PCSK5: variants seen among roughly 807,000 people sequenced by gnomAD.
PCSK5 encodes the protein prohormone convertase 5.
Under a neutral mutation model 233.2 loss-of-function variants are expected in PCSK5, and 129 were observed. The ratio of observed to expected loss-of-function variants is 0.55; its 90% confidence interval spans 0.48 to 0.64. The LOEUF is 0.64. PCSK5 is among the 30% of genes least tolerant of loss of function. PCSK5 has a pLI of 0.00. For synonymous variants in PCSK5, 825 were observed against 879.2 expected, an observed-to-expected ratio of 0.94 and a Z score of 1.09; for missense variants, 2,076 against 2,430.1, an observed-to-expected ratio of 0.85 and a Z score of 3.06.
intron 20 of PCSK5, among the ~76,000 whole-genome samples, chr9:76,212,111 T>TA (rs1251682564): frequency 6.6e-6 from 1 of 152,226 alleles, no homozygotes; most frequent in African/African-American, 2.4e-5. Context: ...GTGTGAGTTT[T>TA]ATGCCAAGTA....
intron 24 of PCSK5, among the ~76,000 whole-genome samples, chr9:76,279,281 A>G (rs1827792170): frequency 6.7e-6 from 1 of 150,230 alleles, no homozygotes; most frequent in Non-Finnish European, 1.5e-5. Flanking sequence ...CATGGTGTAC[A>G]TGTGCCACAT....
chr9:76,114,157 G>A (rs1232063704), intron 9 of PCSK5, among the ~76,000 whole-genome samples: 2 of 152,084 alleles, frequency 1.3e-5, no homozygotes, highest in African/African-American at 4.8e-5. Context: ...ACAGCCTGAA[G>A]AGGGTGAAGA....
intron 20 of PCSK5, chr9:76,193,870 A>G (rs1489816376): frequency 6.5e-6 from 1 of 154,662 alleles, no homozygotes; most frequent in Non-Finnish European, 1.4e-5. Flanking sequence ...GGCATTAGGA[A>G]CATCCTACAG....
chr9:75,906,213 G>A (rs1478339796), intron 1 of PCSK5, among the ~76,000 whole-genome samples: 2 of 152,010 alleles, frequency 1.3e-5, no homozygotes, highest in African/African-American at 4.8e-5. Context: ...CACTGAGGAG[G>A]AACACTTGAG....
chr9:76,107,594 T>C (rs1832031566), intron 9 of PCSK5, among the ~76,000 whole-genome samples: 1 of 152,246 alleles, frequency 6.6e-6, no homozygotes, highest in Admixed American at 6.5e-5. Context: ...TATGGAGTCA[T>C]AGCACATGCA....
intron 9 of PCSK5, among the ~76,000 whole-genome samples, chr9:76,124,543 A>G (rs1339326396): frequency 6.6e-6 from 1 of 151,908 alleles, no homozygotes; most frequent in Non-Finnish European, 1.5e-5. Flanking sequence ...TCAGGAGATC[A>G]CGATCGTCCC....
chr9:76,310,310 A>G (rs963678241), intron 29 of PCSK5, among the ~76,000 whole-genome samples: 1 of 151,948 alleles, frequency 6.6e-6, no homozygotes, highest in African/African-American at 2.4e-5. Context: ...TTGGGGAAGC[A>G]GAGTATTAAT....
At chr9:75,892,017 G>A (rs1415708601) in intron 1 of PCSK5, among the ~76,000 whole-genome samples, 1 of 152,164 alleles carries the variant, frequency 6.6e-6, no homozygotes, top group Non-Finnish European at 1.5e-5. Context: ...CGAGGTCCGC[G>A]TGGGGGCTCC....
At chr9:75,947,991 A>C (rs949276364) in intron 2 of PCSK5, among the ~76,000 whole-genome samples, 11 of 152,030 alleles carry the variant, frequency 7.2e-5, no homozygotes. Flanking sequence ...ACAGGCACGT[A>C]CTACCATGCC....
chr9:76,308,985 A>G (rs1828786125), intron 29 of PCSK5, among the ~76,000 whole-genome samples: 1 of 152,194 alleles, frequency 6.6e-6, no homozygotes. Flanking sequence ...TGAGAGGCTG[A>G]GGCGGGAGGA....
At chr9:76,307,991 A>G (rs1017465674) in intron 28 of PCSK5, among the ~76,000 whole-genome samples, 1 of 152,096 alleles carries the variant, frequency 6.6e-6, no homozygotes, top group Non-Finnish European at 1.5e-5. Context: ...TGAGGTCAAG[A>G]GTTCAAGACC....
intron 1 of PCSK5, among the ~76,000 whole-genome samples, chr9:75,901,006 C>T (rs1312907833): frequency 6.6e-6 from 1 of 151,836 alleles, no homozygotes; most frequent in East Asian, 1.9e-4. Context: ...GATAAAAAGT[C>T]CATCTGGAAA....
At chr9:76,280,336 T>G (rs963453420) in intron 24 of PCSK5, among the ~76,000 whole-genome samples, 3 of 152,098 alleles carry the variant, frequency 2.0e-5, no homozygotes, top group African/African-American at 7.2e-5. Context: ...ATGAGGCCAG[T>G]TAATACTTTT....
At chr9:76,048,865 G>A (rs1338203070) in intron 5 of PCSK5, among the ~76,000 whole-genome samples, 2 of 152,136 alleles carry the variant, frequency 1.3e-5, no homozygotes, top group African/African-American at 4.8e-5. Flanking sequence ...TATTTATTGA[G>A]TTTATTGATT....
chr9:76,235,013 C>G (rs1295773033), intron 22 of PCSK5, among the ~76,000 whole-genome samples: 2 of 152,306 alleles, frequency 1.3e-5, no homozygotes, highest in East Asian at 3.9e-4. Flanking sequence ...GCACTTCCCC[C>G]TTCATGAGCC....
intron 7 of PCSK5, among the ~76,000 whole-genome samples, chr9:76,083,345 A>C (rs1469039591): frequency 6.6e-6 from 1 of 151,946 alleles, no homozygotes; most frequent in Non-Finnish European, 1.5e-5. Flanking sequence ...CATAGCTTAT[A>C]GGGTTTGCTT....
intron 1 of PCSK5, among the ~76,000 whole-genome samples, chr9:75,912,501 A>T (rs1822788787): frequency 6.6e-6 from 1 of 152,062 alleles, no homozygotes; most frequent in Admixed American, 6.6e-5. Flanking sequence ...TAGATCTGAG[A>T]TGGGGCTGGA....
At chr9:76,090,820 C>T (rs1282565576) in intron 7 of PCSK5, among the ~76,000 whole-genome samples, 1 of 152,122 alleles carries the variant, frequency 6.6e-6, no homozygotes, top group Admixed American at 6.5e-5. Flanking sequence ...TTATACAACT[C>T]ACCATAATGT....
intron 13 of PCSK5, among the ~76,000 whole-genome samples, chr9:76,173,836 T>C (rs1472195376): frequency 6.6e-6 from 1 of 151,982 alleles, no homozygotes; most frequent in Non-Finnish European, 1.5e-5. Context: ...TAGCTGAGTG[T>C]GGTGGGGGCC....
Sources: allele counts gnomAD v4.1 joint callset (sites outside exome capture counted in the v4.1 genomes callset), GRCh38; gene constraint gnomAD v4.1.1; transcripts MANE v1.5; gene names NCBI Gene and HGNC (gene_info 2026-07-23, HGNC 2026-07-21).